The following CUX2 variants were observed in gnomAD, a reference collection of about 807,000 sequenced individuals.
CUX2 encodes cut like homeobox 2.
In CUX2, 40 loss-of-function variants were observed where a neutral mutation model predicts 144.8. That is an observed-to-expected ratio of 0.28 (90% CI 0.21 to 0.36). CUX2 has a LOEUF of 0.36. Ranked by LOEUF, CUX2 falls within the 10% of genes least tolerant of loss-of-function variation. The pLI is 1.00. For synonymous variants in CUX2, 827 were observed against 875.6 expected (o/e 0.94, Z 0.98); for missense variants, 1,615 against 1,994.0 (o/e 0.81, Z 3.62).
At chr12:111,214,672 A>G (rs1290131075) in intron 2 of CUX2, among the ~76,000 whole-genome samples, 1 of 152,104 alleles carries the variant, frequency 6.6e-6, no homozygotes, top group Admixed American at 6.5e-5. Context: ...GGAAGAAGAC[A>G]GCCGTCGACT....
intron 1 of CUX2, among the ~76,000 whole-genome samples, chr12:111,060,879 C>T (rs2136020378): frequency 6.6e-6 from 1 of 152,336 alleles, no homozygotes; most frequent in South Asian, 2.1e-4. Flanking sequence ...CCTCTTCCTT[C>T]TACCCTCTTG....
In CUX2 at chr12:111,039,695, C is replaced by T. The variant is rs1047338976; in HGVS notation, c.63+5455C>T. Among the ~76,000 whole-genome samples, 1 of 152,104 alleles carries T rather than the reference C, an allele frequency of 6.6e-6. No individual in the cohort carries two copies. The highest frequency in any genetic ancestry group is 1.5e-5 in the Non-Finnish European group (1 of 68,036). On this transcript the variant is annotated intron_variant, in intron 1 of 21. Transcript: ENST00000261726. This position sits in a 1 kb window ranked among gnomAD's most constrained non-coding sequence, Gnocchi z 4.2. The stretch of plus-strand genomic sequence containing the variant: ...TATAGGCGCATGCCACCACGCCTGG[C>T]TAATTTTTGTATTTTTAGTAGAGAC...
intron 1 of CUX2, among the ~76,000 whole-genome samples, chr12:111,090,867 T>C (rs1162272299): frequency 1.3e-5 from 2 of 151,982 alleles, no homozygotes; most frequent in Non-Finnish European, 1.5e-5. Context: ...GAGGTCTCCT[T>C]CTCATCTCAG....
chr12:111,188,275 C>T (rs1043571981), intron 1 of CUX2, among the ~76,000 whole-genome samples: 3 of 152,158 alleles, frequency 2.0e-5, no homozygotes, highest in African/African-American at 4.8e-5. Context: ...TGAGAAATGG[C>T]GGAGGAAGAG....
chr12:111,149,193 A>G (rs1030725260), intron 1 of CUX2, among the ~76,000 whole-genome samples: 1 of 152,142 alleles, frequency 6.6e-6, no homozygotes, highest in Non-Finnish European at 1.5e-5. Context: ...AGCTTGTCCA[A>G]CCTGTGGCCT....
chr12:111,342,165 C>CATCACATAG, intron 21 of CUX2, 112 bp downstream of exon 21: 1 of 1,258,044 alleles, frequency 7.9e-7, no homozygotes, highest in African/African-American at 1.5e-5. Context: ...TGGAAGACCC[C>CATCACATAG]ATCACATAGG....
At chr12:111,158,431 G>C (rs1877531939) in intron 1 of CUX2, among the ~76,000 whole-genome samples, 1 of 139,924 alleles carries the variant, frequency 7.1e-6, no homozygotes, top group Non-Finnish European at 1.5e-5. Flanking sequence ...AACAAAGTGA[G>C]ACCCAGTCTC....
intron 1 of CUX2, among the ~76,000 whole-genome samples, chr12:111,089,219 G>A (rs955910151): frequency 1.2e-4 from 18 of 152,236 alleles, no homozygotes; most frequent in Non-Finnish European, 2.6e-4. Context: ...GTGATCAAGG[G>A]CACAGGCCCT....
At chr12:111,301,982 A>G (rs1271098075) in intron 9 of CUX2, among the ~76,000 whole-genome samples, 3 of 152,262 alleles carry the variant, frequency 2.0e-5, no homozygotes, top group African/African-American at 7.2e-5. Flanking sequence ...TCAATCAGAT[A>G]TGCTCAGGGT....
At chr12:111,154,932 C>T (rs927463680) in intron 1 of CUX2, among the ~76,000 whole-genome samples, 4 of 152,114 alleles carry the variant, frequency 2.6e-5, no homozygotes, top group Non-Finnish European at 5.9e-5. Context: ...TGTAGCACAG[C>T]GGTTGTGAGT....
At chr12:111,311,997 C>T in intron 15 of CUX2, 103 bp from the exon 16 acceptor site, 1 of 881,276 alleles carries the variant, frequency 1.1e-6, no homozygotes. Context: ...ATGGTCTGAC[C>T]CTCACTCTTC....
intron 2 of CUX2, 113 bp from the exon 3 acceptor site, chr12:111,217,777 C>T (rs1449716868): frequency 1.1e-5 from 12 of 1,114,940 alleles, no homozygotes; most frequent in East Asian, 9.4e-5. Flanking sequence ...GTTCAGGCCC[C>T]ACGGGACATG....
At chr12:111,100,052 G>T (rs776774601) in intron 1 of CUX2, 3 of 456,732 alleles carry the variant, frequency 6.6e-6, no homozygotes, top group South Asian at 3.1e-5. Context: ...CCCTCGGAGC[G>T]GGGCTGTGTC....
At chr12:111,264,293 A>G (rs561312652) in intron 4 of CUX2, among the ~76,000 whole-genome samples, 2 of 152,336 alleles carry the variant, frequency 1.3e-5, no homozygotes, top group Admixed American at 6.5e-5. Flanking sequence ...CACATCCTGT[A>G]GGATTCCACC....
Position 111,246,327 on chromosome 12 carries a change from G to C in CUX2, c.223-17434G>C, listed in dbSNP as rs976549212. Among the ~76,000 whole-genome samples, 8 of 152,254 alleles carry C rather than the reference G, an allele frequency of 5.3e-5. No individual in the cohort carries two copies. Among genetic ancestry groups the C allele is most frequent in the Middle Eastern group, 6.8e-3 (2 of 294 alleles). ...AGACCTTTTTTATTTTTTCTCACCA[G>C]TCAGCCACTTGTTAAACCTTTACCA... On this transcript the variant is annotated intron_variant, in intron 3 of 21. Coordinates refer to ENST00000261726, the MANE Select transcript of CUX2 (RefSeq NM_015267.4). The surrounding 1 kb of genome is among the most constrained non-coding windows in gnomAD (Gnocchi z 4.0).
At chr12:111,175,972 G>A (rs941701748) in intron 1 of CUX2, among the ~76,000 whole-genome samples, 1 of 151,566 alleles carries the variant, frequency 6.6e-6, no homozygotes, top group Non-Finnish European at 1.5e-5. Context: ...CGGGAAGGCA[G>A]TGGGTGCTTT....
intron 4 of CUX2, among the ~76,000 whole-genome samples, chr12:111,272,484 A>G (rs1884682791): frequency 6.6e-6 from 1 of 152,118 alleles, no homozygotes; most frequent in Admixed American, 6.6e-5. Context: ...TTATTTTCTG[A>G]GATGTAGTCT....
chr12:111,338,130 G>A lies in CUX2; in HGVS notation c.3197-156G>A, dbSNP rs150668678. Among the ~76,000 whole-genome samples, 859 of 152,270 alleles carry A rather than the reference G, an allele frequency of 5.6e-3. 15 individuals are homozygous for A. The highest frequency in any genetic ancestry group is 0.019 in the African/African-American group (808 of 41,538). On this transcript the variant is annotated intron_variant, in intron 19 of 21. Coordinates refer to ENST00000261726, the MANE Select transcript of CUX2 (RefSeq NM_015267.4). Reference sequence around the variant, plus strand: ...CAGACCCCCCTCGGCTTCACATCAGGTGTGGGTCCTCCGCCGTCTCTGGCC... The same window carrying A: ...CAGACCCCCCTCGGCTTCACATCAGATGTGGGTCCTCCGCCGTCTCTGGCC...
chr12:111,317,521 A>G (rs558652048), intron 16 of CUX2, among the ~76,000 whole-genome samples: 1 of 152,284 alleles, frequency 6.6e-6, no homozygotes, highest in South Asian at 2.1e-4. Flanking sequence ...CAAGATTTAG[A>G]AAATTCCCAA....
Sources: allele counts gnomAD v4.1 joint callset (sites outside exome capture counted in the v4.1 genomes callset), GRCh38; gene constraint gnomAD v4.1.1; non-coding constraint Gnocchi (gnomAD v3.1); transcripts MANE v1.5; gene names NCBI Gene and HGNC (gene_info 2026-07-23, HGNC 2026-07-21).